TLN2: variants seen among roughly 807,000 people sequenced by gnomAD.
The protein encoded by TLN2 is talin 2.
Under a neutral mutation model 294.7 loss-of-function variants are expected in TLN2, and 118 were observed. The observed-to-expected ratio is 0.40, with a 90% CI of 0.34 to 0.47. TLN2 has a LOEUF of 0.47. TLN2 is among the 20% of genes least tolerant of loss of function. The pLI is 0.84. For synonymous variants in TLN2, 1,431 were observed against 1,304.5 expected, an observed-to-expected ratio of 1.10 and a Z score of -2.09; for missense variants, 3,083 against 3,282.2, an observed-to-expected ratio of 0.94 and a Z score of 1.48.
intron 44 of TLN2, 76 bp downstream of exon 44, chr15:62,781,317 C>T (rs899564017): frequency 3.1e-5 from 36 of 1,153,742 alleles, no homozygotes; most frequent in Non-Finnish European, 4.6e-5. Context: ...CTGCAAATCC[C>T]AGATCTGTGT....
At chr15:62,555,330 T>G (rs1297875512) in intron 1 of TLN2, among the ~76,000 whole-genome samples, 1 of 152,254 alleles carries the variant, frequency 6.6e-6, no homozygotes, top group Non-Finnish European at 1.5e-5. Context: ...GAAGTGTTCC[T>G]TTATATTAAC....
At chr15:62,712,445 C>G (rs775217154) in intron 22 of TLN2, among the ~76,000 whole-genome samples, 34 of 152,158 alleles carry the variant, frequency 2.2e-4, no homozygotes, top group Non-Finnish European at 3.7e-4. Flanking sequence ...TACTTTTGCC[C>G]TCCATTTGAC....
At chr15:62,428,164 C>G (rs10519148) in intron 1 of TLN2, among the ~76,000 whole-genome samples, 1 of 152,076 alleles carries the variant, frequency 6.6e-6, no homozygotes, top group East Asian at 1.9e-4. Flanking sequence ...TTTAATAGTT[C>G]ATAAATGTCA....
chr15:62,647,954 C>G (rs949691960), intron 4 of TLN2, among the ~76,000 whole-genome samples: 2 of 152,088 alleles, frequency 1.3e-5, no homozygotes, highest in African/African-American at 4.8e-5. Flanking sequence ...ATCACTCATC[C>G]CCGTTAATCT....
chr15:62,462,992 C>T (rs1595864607), intron 1 of TLN2, among the ~76,000 whole-genome samples: 2 of 152,314 alleles, frequency 1.3e-5, no homozygotes, highest in Non-Finnish European at 2.9e-5. Flanking sequence ...CTTTGCTGAG[C>T]AGCTGGCTGA....
At chr15:62,440,128 C>T (rs1294712971) in intron 1 of TLN2, among the ~76,000 whole-genome samples, 1 of 152,158 alleles carries the variant, frequency 6.6e-6, no homozygotes, top group African/African-American at 2.4e-5. Flanking sequence ...CTGTCTATCC[C>T]AGGTTCGTTT....
intron 1 of TLN2, among the ~76,000 whole-genome samples, chr15:62,563,003 C>G: frequency 6.7e-6 from 1 of 149,060 alleles, no homozygotes; most frequent in Non-Finnish European, 1.5e-5. Context: ...GATTGATGGG[C>G]ATTTGGGCTG....
At chr15:62,749,174 G>C (rs1395195033) in intron 33 of TLN2, among the ~76,000 whole-genome samples, 1 of 152,194 alleles carries the variant, frequency 6.6e-6, no homozygotes, top group African/African-American at 2.4e-5. Flanking sequence ...TGGATGATCA[G>C]CATGGGTCTG....
At chr15:62,567,461 G>A (rs923154811) in intron 1 of TLN2, among the ~76,000 whole-genome samples, 2 of 152,188 alleles carry the variant, frequency 1.3e-5, no homozygotes, top group Non-Finnish European at 2.9e-5. Flanking sequence ...GCCTGGTGAG[G>A]GTGGATTTGA....
intron 45 of TLN2, among the ~76,000 whole-genome samples, chr15:62,790,224 C>CT (rs1237600770): frequency 6.6e-6 from 1 of 152,144 alleles, no homozygotes; most frequent in Non-Finnish European, 1.5e-5. Context: ...TCATTTTTGG[C>CT]TTTTTATTGG....
At chr15:62,464,170 AC>A (rs1346673602) in intron 1 of TLN2, among the ~76,000 whole-genome samples, 1 of 152,174 alleles carries the variant, frequency 6.6e-6, no homozygotes, top group African/African-American at 2.4e-5. Flanking sequence ...CTTGGAACCA[AC>A]CCACATGTCT....
At chr15:62,557,591 G>A (rs772903270) in intron 1 of TLN2, among the ~76,000 whole-genome samples, 83 of 152,284 alleles carry the variant, frequency 5.5e-4, no homozygotes, top group African/African-American at 1.9e-3. Context: ...CTGCAGTGGC[G>A]TGATCTCGGC....
chr15:62,545,702 A>G (rs937473008), intron 1 of TLN2, among the ~76,000 whole-genome samples: 1 of 152,140 alleles, frequency 6.6e-6, no homozygotes, highest in African/African-American at 2.4e-5. Context: ...TGAAATCCAT[A>G]TTGCTCTGTG....
chr15:62,588,461 C>G (rs1596262132), intron 1 of TLN2, among the ~76,000 whole-genome samples: 2 of 151,066 alleles, frequency 1.3e-5, no homozygotes, highest in South Asian at 4.2e-4. Context: ...CGTAGTAAAA[C>G]CCCGTCTCTA....
intron 12 of TLN2, among the ~76,000 whole-genome samples, chr15:62,689,277 T>A (rs1350855738): frequency 6.6e-6 from 1 of 152,158 alleles, no homozygotes; most frequent in Non-Finnish European, 1.5e-5. Flanking sequence ...CATTTAGGTC[T>A]TTTTACCTAC....
intron 1 of TLN2, among the ~76,000 whole-genome samples, chr15:62,401,183 G>A (rs1419419450): frequency 6.6e-6 from 1 of 152,168 alleles, no homozygotes; most frequent in Non-Finnish European, 1.5e-5. Flanking sequence ...ATGAACCAAA[G>A]CTCAAGCAGA....
At chr15:62,719,987 G>A (rs1057351544) in intron 25 of TLN2, 107 bp downstream of exon 25, 8 of 822,170 alleles carry the variant, frequency 9.7e-6, no homozygotes, top group Non-Finnish European at 1.4e-5. Flanking sequence ...CTAAGTCTTT[G>A]CGGTAGGCAG....
intron 1 of TLN2, among the ~76,000 whole-genome samples, chr15:62,506,703 C>G (rs915202490): frequency 6.6e-6 from 1 of 152,190 alleles, no homozygotes; most frequent in Non-Finnish European, 1.5e-5. Flanking sequence ...AGGCGTTGCT[C>G]TGAAGTTATA....
At chr15:62,432,305 CAGACATT>C (rs1268300571) in intron 1 of TLN2, among the ~76,000 whole-genome samples, 2 of 152,096 alleles carry the variant, frequency 1.3e-5, no homozygotes, top group East Asian at 3.9e-4. Flanking sequence ...TTTCAAAGAA[CAGACATT>C]TATTTGTCTC....
Sources: allele counts gnomAD v4.1 joint callset (sites outside exome capture counted in the v4.1 genomes callset), GRCh38; gene constraint gnomAD v4.1.1; transcripts MANE v1.5; gene names NCBI Gene and HGNC (gene_info 2026-07-23, HGNC 2026-07-21).